Variants in SCN3A observed in about 807,000 individuals in gnomAD.
The protein encoded by SCN3A is sodium voltage-gated channel alpha subunit 3.
A neutral mutation model predicts 187.6 loss-of-function variants in SCN3A; 60 were observed. The ratio of observed to expected loss-of-function variants is 0.32; its 90% CI spans 0.26 to 0.40. SCN3A has a LOEUF of 0.40. SCN3A is among the 10% of genes least tolerant of loss of function. The probability of loss-of-function intolerance (pLI) is 1.00; values close to 1 mark genes in which losing one functional copy is unlikely to be tolerated. For synonymous variants in SCN3A, 788 were observed against 829.2 expected, an observed-to-expected ratio of 0.95 and a Z score of 0.85; for missense variants, 1,601 against 2,428.2, an observed-to-expected ratio of 0.66 and a Z score of 7.16.
intron 1 of SCN3A, among the ~76,000 whole-genome samples, chr2:165,192,769 T>C (rs1308589194): frequency 6.6e-6 from 1 of 152,152 alleles, no homozygotes. Context: ...CTATCTTCTG[T>C]TGTTATTGAA....
intron 21 of SCN3A, among the ~76,000 whole-genome samples, chr2:165,105,144 T>C (rs1280134495): frequency 6.6e-6 from 1 of 152,128 alleles, no homozygotes; most frequent in Non-Finnish European, 1.5e-5. Flanking sequence ...AAATTTTGTA[T>C]ACAGGAAAGC....
intron 18 of SCN3A, among the ~76,000 whole-genome samples, chr2:165,126,725 T>G (rs1389852996): frequency 6.6e-6 from 1 of 151,884 alleles, no homozygotes; most frequent in Non-Finnish European, 1.5e-5. Flanking sequence ...GTAGGTTTAT[T>G]AACCTACAAA....
chr2:165,126,735 AATAACT>A (rs1468455214), intron 18 of SCN3A, among the ~76,000 whole-genome samples: 1 of 151,966 alleles, frequency 6.6e-6, no homozygotes, highest in African/African-American at 2.4e-5. Flanking sequence ...TAACCTACAA[AATAACT>A]ATAGCCCTCA....
intron 21 of SCN3A, among the ~76,000 whole-genome samples, chr2:165,101,118 G>A (rs184540444): frequency 1.1e-4 from 16 of 152,230 alleles, no homozygotes; most frequent in African/African-American, 3.4e-4. Flanking sequence ...AATCTAAAAC[G>A]CTTTGAATGC....
intron 18 of SCN3A, among the ~76,000 whole-genome samples, chr2:165,124,560 A>G (rs1043757420): frequency 2.6e-5 from 4 of 152,176 alleles, no homozygotes; most frequent in Admixed American, 2.6e-4. Context: ...TCAGGTAATT[A>G]TAAAATCTGC....
chr2:165,187,324 A>T (rs1691305293), intron 1 of SCN3A, among the ~76,000 whole-genome samples: 1 of 152,212 alleles, frequency 6.6e-6, no homozygotes, highest in South Asian at 2.1e-4. Flanking sequence ...ATTAACCTAA[A>T]TGTAATAACC....
At chr2:165,152,466 A>T (rs980946630) in intron 11 of SCN3A, among the ~76,000 whole-genome samples, 1 of 152,250 alleles carries the variant, frequency 6.6e-6, no homozygotes, top group Non-Finnish European at 1.5e-5. Flanking sequence ...TTCAAATTGC[A>T]ATTGACAAAT....
At chr2:165,139,985 C>A (rs918798996) in intron 13 of SCN3A, among the ~76,000 whole-genome samples, 1 of 151,916 alleles carries the variant, frequency 6.6e-6, no homozygotes, top group Admixed American at 6.6e-5. Flanking sequence ...ATCAATCTCC[C>A]CCCAATAAAT....
rs1321728080 is a variant in SCN3A, at chr2:165,090,407, A to G, written c.5746T>C (p.Leu1916=). ...IIQRNFRCYL[L]KQRLKNISSN... ...GATATATTTTTTAACCTTTGCTTTA[A>G]AAGATAACATCTGAAATTACGCTGA... Residue 1916 remains leucine, a synonymous_variant, in exon 28 of 28, where the codon TTA becomes CTA. Coordinates refer to ENST00000283254, the MANE Select transcript of SCN3A (RefSeq NM_006922.4). This position sits in a 1 kb window ranked among gnomAD's most constrained non-coding sequence, Gnocchi z 4.0. 6.2e-7 allele frequency: 1 copy of G among 1,613,562 alleles called. No homozygotes were observed. Among genetic ancestry groups the G allele is most frequent in the Non-Finnish European group, 8.5e-7 (1 of 1,179,590 alleles).
At chr2:165,156,360 A>AC (rs1559241395) in intron 9 of SCN3A, among the ~76,000 whole-genome samples, 2 of 150,650 alleles carry the variant, frequency 1.3e-5, no homozygotes, top group African/African-American at 2.4e-5. Flanking sequence ...CAAAAAAAAA[A>AC]CAATTAGCTG....
chr2:165,167,077 T>C (rs1689813694), intron 5 of SCN3A, among the ~76,000 whole-genome samples: 1 of 152,132 alleles, frequency 6.6e-6, no homozygotes, highest in Non-Finnish European at 1.5e-5. Context: ...TTGTTTGTAT[T>C]TTTAGTAGAG....
At chr2:165,146,606 A>G (rs1352764048) in intron 12 of SCN3A, 133 bp downstream of exon 12, 1 of 857,788 alleles carries the variant, frequency 1.2e-6, no homozygotes. Flanking sequence ...AAGAATTTAA[A>G]CAACTATATT....
chr2:165,094,990 A>G (rs914074109), intron 25 of SCN3A, among the ~76,000 whole-genome samples: 1 of 152,190 alleles, frequency 6.6e-6, no homozygotes, highest in East Asian at 1.9e-4. Flanking sequence ...AGAGACTCAG[A>G]GACAAGCTGT....
At chr2:165,146,437 CACAT>C (rs1163940700) in intron 12 of SCN3A, among the ~76,000 whole-genome samples, 3 of 142,558 alleles carry the variant, frequency 2.1e-5, no homozygotes, top group African/African-American at 7.7e-5. Context: ...CATATATACA[CACAT>C]ATATATATAC....
intron 24 of SCN3A, 149 bp downstream of exon 24, chr2:165,096,318 C>A: frequency 1.6e-6 from 1 of 636,804 alleles, no homozygotes; most frequent in Non-Finnish European, 2.8e-6. Context: ...ATTAATCAAG[C>A]ATCATCTATA....
chr2:165,097,208 A>C, intron 23 of SCN3A, 44 bp downstream of exon 23: 1 of 1,611,842 alleles, frequency 6.2e-7, no homozygotes, highest in African/African-American at 1.3e-5. Flanking sequence ...TCTTCCTTGA[A>C]ACATCTTGAA....
Position 165,097,236 on chromosome 2 carries a change from T to C in SCN3A, c.4239+16A>G. On this transcript the variant is annotated intron_variant, in intron 23 of 27. Transcript: ENST00000283254. ...ATCTTGAAAACTTTTTCAAAACTCG[T>C]ACAGTAGCCACTTACCACTTGAAGC... 6.2e-7 allele frequency: 1 copy of C among 1,613,976 alleles called. No homozygotes were observed.
In SCN3A at chr2:165,176,259, C is replaced by T; in HGVS notation, c.136G>A (p.Glu46Lys). 6.2e-7 allele frequency: 1 copy of T among 1,612,096 alleles called. No homozygotes were observed. The highest frequency in any genetic ancestry group is 8.5e-7 in the Non-Finnish European group (1 of 1,179,248). Reference protein sequence around the residue: ...KPKKEQDNDDENKPKPNSDLE... With the variant: ...KPKKEQDNDDKNKPKPNSDLE... Reference sequence around the variant, plus strand: ...TCACTATTTGGCTTTGGTTTGTTCTCATCATCATTATCTTGTTCCTTTTTG... The same window carrying T: ...TCACTATTTGGCTTTGGTTTGTTCTTATCATCATTATCTTGTTCCTTTTTG... Residue 46 changes from glutamate to lysine, a missense_variant, in exon 3 of 28, where the codon GAG becomes AAG. By Grantham distance (56) the Glu-to-Lys change is moderately conservative (BLOSUM62 1). This residue lies in a region of SCN3A where 74 missense variants were observed against 77.7 expected (regional missense o/e 0.95). Transcript: ENST00000283254.
chr2:165,147,288 G>T (rs547576342), intron 11 of SCN3A, among the ~76,000 whole-genome samples: 2,230 of 139,036 alleles, frequency 0.016, 52 homozygotes, highest in African/African-American at 0.056. Context: ...TTTTTTGGGG[G>T]GGGGGGGTTG....
Sources: allele counts gnomAD v4.1 joint callset (sites outside exome capture counted in the v4.1 genomes callset), GRCh38; gene constraint gnomAD v4.1.1; regional missense constraint gnomAD v4.1.1; non-coding constraint Gnocchi (gnomAD v3.1); transcripts MANE v1.5; gene names NCBI Gene and HGNC (gene_info 2026-07-23, HGNC 2026-07-21).